Variants in KLF12 observed in about 807,000 individuals in gnomAD.
KLF12 encodes KLF transcription factor 12, also known as Krueppel-like factor 12.
KLF12 carries 9 observed loss-of-function variants against 37.8 expected under a neutral mutation model. That is an observed-to-expected ratio of 0.24 (90% CI 0.14 to 0.42). The LOEUF (loss-of-function observed/expected upper bound fraction) is 0.42. Among genes scored for constraint, KLF12 ranks in the 10% least tolerant of loss-of-function variants. The pLI is 1.00. For synonymous variants in KLF12, 208 were observed against 202.1 expected, an observed-to-expected ratio of 1.03 and a Z score of -0.25; for missense variants, 411 against 516.0, an observed-to-expected ratio of 0.80 and a Z score of 1.97.
intron 3 of KLF12, among the ~76,000 whole-genome samples, chr13:73,853,221 C>T (rs954428305): frequency 5.3e-5 from 8 of 152,174 alleles, no homozygotes; most frequent in African/African-American, 1.9e-4. Context: ...GTGTTCAATA[C>T]ACACATTTAA....
In KLF12 at chr13:73,721,005, C is replaced by G. The variant is rs77719021; in HGVS notation, c.870-5480G>C. On this transcript the variant is annotated intron_variant, in intron 6 of 7. Coordinates refer to ENST00000377669, the MANE Select transcript of KLF12 (RefSeq NM_007249.5). ...GAAGGAGCTTTAGTAAATTCACACA[C>G]GCAATCACAACAGAATTCCAAGGGC... Among the ~76,000 whole-genome samples, 22 of 152,318 alleles carry G rather than the reference C, an allele frequency of 1.4e-4. 2 individuals carry two copies. The South Asian group carries it at 4.3e-3, about 30-fold the overall frequency.
intron 2 of KLF12, among the ~76,000 whole-genome samples, chr13:73,994,022 ACAATATCTGAAT>A (rs1892039889): frequency 1.3e-5 from 2 of 152,240 alleles, no homozygotes; most frequent in African/African-American, 4.8e-5. Flanking sequence ...TCTCCCTTGA[ACAATATCTGAAT>A]CAATATGCCT....
chr13:73,841,481 G>A lies in KLF12; in HGVS notation c.670+4346C>T, dbSNP rs542849439. 2.2e-4 allele frequency among the ~76,000 whole-genome samples: 33 copies of A among 152,198 alleles called. No homozygotes were observed. The South Asian group carries it at 4.8e-3, about 22-fold the overall frequency. On this transcript the variant is annotated intron_variant, in intron 4 of 7. Transcript: ENST00000377669. ...GTTGGGCCTTATTCAAAGCAGTCCC[G>A]GGTTGCATACAGCCCACAGCTGCGG...
intron 3 of KLF12, among the ~76,000 whole-genome samples, chr13:73,919,669 C>G (rs570290052): frequency 6.6e-6 from 1 of 152,266 alleles, no homozygotes; most frequent in African/African-American, 2.4e-5. Context: ...ATTAACATTG[C>G]ACGCCATATT....
At chr13:73,748,755 G>T (rs150185761) in intron 6 of KLF12, among the ~76,000 whole-genome samples, 83 of 152,202 alleles carry the variant, frequency 5.5e-4, no homozygotes, top group Non-Finnish European at 9.7e-4. Context: ...TATTTTTGTT[G>T]TATATTACCA....
At chr13:74,002,881 A>C (rs945752726) in intron 1 of KLF12, among the ~76,000 whole-genome samples, 8 of 152,176 alleles carry the variant, frequency 5.3e-5, no homozygotes, top group Middle Eastern at 3.4e-3. Context: ...CAACAATAAT[A>C]CTCCATGGAA....
At chr13:74,124,918 G>T (rs142067835) in intron 1 of KLF12, among the ~76,000 whole-genome samples, 232 of 152,204 alleles carry the variant, frequency 1.5e-3, no homozygotes, top group African/African-American at 5.1e-3. Flanking sequence ...CAGCAAGGCG[G>T]GTGGATCACT....
intron 1 of KLF12, among the ~76,000 whole-genome samples, chr13:74,068,298 A>G (rs910461814): frequency 7.9e-5 from 12 of 152,250 alleles, no homozygotes; most frequent in African/African-American, 2.7e-4. Context: ...ACAATTTTTT[A>G]AAACAATTTT....
chr13:73,910,222 C>T (rs1033104932), intron 3 of KLF12, among the ~76,000 whole-genome samples: 2 of 152,020 alleles, frequency 1.3e-5, no homozygotes, highest in Non-Finnish European at 2.9e-5. Flanking sequence ...ATATTATTTT[C>T]CCCAGAAAAA....
chr13:73,824,770 T>C (rs926025663), intron 4 of KLF12, among the ~76,000 whole-genome samples: 1 of 152,104 alleles, frequency 6.6e-6, no homozygotes, highest in Non-Finnish European at 1.5e-5. Flanking sequence ...ATTAGAAATA[T>C]AGATTTCTAA....
intron 7 of KLF12, among the ~76,000 whole-genome samples, chr13:73,703,396 G>C (rs80289581): frequency 0.12 from 18,960 of 151,978 alleles, 1,577 homozygotes; most frequent in South Asian, 0.23. Context: ...AAGTATAAAG[G>C]TACTTTATAG....
chr13:73,909,132 A>G (rs1256680542), intron 3 of KLF12, among the ~76,000 whole-genome samples: 2 of 152,212 alleles, frequency 1.3e-5, no homozygotes, highest in Non-Finnish European at 2.9e-5. Flanking sequence ...AAGATCTTTC[A>G]GATAATTACA....
chr13:73,933,190 C>T (rs978757815), intron 3 of KLF12, among the ~76,000 whole-genome samples: 1 of 152,134 alleles, frequency 6.6e-6, no homozygotes, highest in African/African-American at 2.4e-5. Flanking sequence ...TTATGAGATG[C>T]TCAATTTTAT....
At chr13:73,755,306 C>A (rs1434927512) in intron 6 of KLF12, among the ~76,000 whole-genome samples, 2 of 152,092 alleles carry the variant, frequency 1.3e-5, no homozygotes, top group Non-Finnish European at 2.9e-5. Flanking sequence ...TATGATATAT[C>A]CATTTATGAG....
chr13:74,207,044 G>A, the KLF12 span, among the ~76,000 whole-genome samples: 1 of 152,148 alleles, frequency 6.6e-6, no homozygotes, highest in African/African-American at 2.4e-5. Context: ...CAAGACTGAG[G>A]GGCTGGCATT....
At chr13:74,215,988 T>C in the KLF12 span, among the ~76,000 whole-genome samples, 1 of 152,206 alleles carries the variant, frequency 6.6e-6, no homozygotes, top group Non-Finnish European at 1.5e-5. Context: ...AGAGAGAATA[T>C]GGAGTGCAAC....
chr13:74,137,168 A>G (rs1702144662), upstream of KLF12, among the ~76,000 whole-genome samples: 1 of 152,236 alleles, frequency 6.6e-6, no homozygotes. Flanking sequence ...GCGGATTTTT[A>G]ATGTTTAGAC....
intron 1 of KLF12, among the ~76,000 whole-genome samples, chr13:74,012,695 C>T (rs1340459029): frequency 6.6e-6 from 1 of 152,202 alleles, no homozygotes; most frequent in East Asian, 1.9e-4. Flanking sequence ...TCTGAGTAAA[C>T]AAACTTGCTT....
intron 3 of KLF12, among the ~76,000 whole-genome samples, chr13:73,862,844 G>C (rs2138815896): frequency 6.6e-6 from 1 of 152,184 alleles, no homozygotes; most frequent in East Asian, 1.9e-4. Flanking sequence ...AAGTTACTCT[G>C]TGTTTTTGGT....
Sources: allele counts gnomAD v4.1 joint callset (sites outside exome capture counted in the v4.1 genomes callset), GRCh38; gene constraint gnomAD v4.1.1; transcripts MANE v1.5; gene names NCBI Gene and HGNC (gene_info 2026-07-23, HGNC 2026-07-21).